The following CDH9 variants were observed in gnomAD, a reference collection of about 807,000 sequenced individuals.
CDH9 encodes the protein cadherin 9, also known as cadherin-9.
A neutral mutation model predicts 70.9 loss-of-function variants in CDH9; 28 were observed. That is an observed-to-expected ratio of 0.40 (90% CI 0.29 to 0.54). CDH9 has a LOEUF of 0.54. Among genes scored for constraint, CDH9 ranks in the 20% least tolerant of loss-of-function variants. The probability of loss-of-function intolerance (pLI) is 0.59; values close to 1 mark genes in which losing one functional copy is unlikely to be tolerated. For missense variants in CDH9, 874 were observed against 984.4 expected (o/e 0.89, Z 1.50); for synonymous variants, 409 against 343.1 (o/e 1.19, Z -2.12).
intron 2 of CDH9, among the ~76,000 whole-genome samples, chr5:26,931,735 C>G (rs549031843): frequency 6.6e-6 from 1 of 151,844 alleles, no homozygotes; most frequent in Non-Finnish European, 1.5e-5. Flanking sequence ...TATATGTATA[C>G]GAAGTGTGTG....
chr5:26,894,309 G>A (rs996794963), intron 7 of CDH9, among the ~76,000 whole-genome samples: 2 of 152,096 alleles, frequency 1.3e-5, no homozygotes, highest in Non-Finnish European at 1.5e-5. Context: ...TAGAGATTTT[G>A]ATGGTATTTC....
At chr5:26,916,557 C>T (rs1741153018) in intron 2 of CDH9, among the ~76,000 whole-genome samples, 1 of 151,908 alleles carries the variant, frequency 6.6e-6, no homozygotes, top group African/African-American at 2.4e-5. Flanking sequence ...GCAACAATAA[C>T]TAATGATAAA....
At chr5:26,935,161 T>C (rs1433525498) in intron 2 of CDH9, among the ~76,000 whole-genome samples, 1 of 152,114 alleles carries the variant, frequency 6.6e-6, no homozygotes, top group Non-Finnish European at 1.5e-5. Context: ...TTAGAAAAAG[T>C]ACTTAACAGT....
chr5:26,988,594 T>G (rs2112092222), intron 1 of CDH9, among the ~76,000 whole-genome samples: 2 of 152,084 alleles, frequency 1.3e-5, no homozygotes, highest in Middle Eastern at 6.8e-3. Context: ...TAAACAGGAA[T>G]TTAGCAGCTA....
chr5:26,954,384 C>CTTTTTTTTTTTTTTTTTTT (rs141394776), intron 2 of CDH9, among the ~76,000 whole-genome samples: 7 of 18,342 alleles, frequency 3.8e-4, no homozygotes, highest in African/African-American at 9.1e-4. Context: ...ATTATACAGC[C>CTTTTTTTTTTTTTTTTTTT]TTTCTTTTTT....
At chr5:26,929,251 T>C (rs1016921654) in intron 2 of CDH9, among the ~76,000 whole-genome samples, 11 of 152,036 alleles carry the variant, frequency 7.2e-5, no homozygotes, top group African/African-American at 2.7e-4. Flanking sequence ...TTCAACATCA[T>C]TGATCATCAG....
At chr5:26,959,806 T>C (rs368740136) in intron 2 of CDH9, among the ~76,000 whole-genome samples, 52 of 152,118 alleles carry the variant, frequency 3.4e-4, no homozygotes, top group Admixed American at 1.7e-3. Context: ...ATACAAAATA[T>C]CCAGAATAGG....
At chr5:27,032,832 C>A (rs10473824) in intron 1 of CDH9, among the ~76,000 whole-genome samples, 73,900 of 150,948 alleles carry the variant, frequency 0.49, 19,015 homozygotes, top group African/African-American at 0.57. Flanking sequence ...AAATAGTCAA[C>A]TAAATAATTA....
intron 2 of CDH9, among the ~76,000 whole-genome samples, chr5:26,922,039 A>AG (rs1386045806): frequency 1.0e-4 from 14 of 136,922 alleles, no homozygotes; most frequent in Non-Finnish European, 1.4e-4. Flanking sequence ...AAAAAAAAAA[A>AG]AGAGAGAGAG....
intron 3 of CDH9, among the ~76,000 whole-genome samples, chr5:26,914,734 AACATAT>A (rs1741118768): frequency 6.6e-6 from 1 of 152,174 alleles, no homozygotes; most frequent in South Asian, 2.1e-4. Context: ...TTTAGACTGA[AACATAT>A]ATTAGTTATA....
In CDH9 at chr5:26,961,508, A is replaced by G. The variant is rs1489285174; in HGVS notation, c.228+26598T>C. ...CTCTTAAAATTATGGATAGAATTGC[A>G]TAAACTCTTTCTATGTCTCATTGAA... On this transcript the variant is annotated intron_variant, in intron 2 of 11. Transcript: ENST00000231021. 3.3e-5 allele frequency among the ~76,000 whole-genome samples: 5 copies of G among 152,254 alleles called. No homozygotes were observed. The East Asian group carries it at 9.6e-4, about 29-fold the overall frequency.
chr5:26,882,009 A>C (rs1740476083), intron 11 of CDH9, among the ~76,000 whole-genome samples: 1 of 152,102 alleles, frequency 6.6e-6, no homozygotes, highest in Non-Finnish European at 1.5e-5. Flanking sequence ...ACTTTGGCAC[A>C]AGTATCATTT....
chr5:27,027,526 T>A (rs569029350), intron 1 of CDH9, among the ~76,000 whole-genome samples: 130 of 152,122 alleles, frequency 8.5e-4, no homozygotes, highest in African/African-American at 3.1e-3. Flanking sequence ...ACTGCTAATA[T>A]CTTAGTTTTG....
intron 9 of CDH9, among the ~76,000 whole-genome samples, chr5:26,887,008 G>T (rs1168092605): frequency 6.6e-6 from 1 of 152,138 alleles, no homozygotes; most frequent in Non-Finnish European, 1.5e-5. Flanking sequence ...ATTCACAATA[G>T]TTTAAGCTTT....
chr5:26,965,975 A>C (rs1742122397), intron 2 of CDH9, among the ~76,000 whole-genome samples: 1 of 152,196 alleles, frequency 6.6e-6, no homozygotes, highest in Non-Finnish European at 1.5e-5. Flanking sequence ...ATGTTATATT[A>C]TATAGTATTT....
intron 9 of CDH9, among the ~76,000 whole-genome samples, chr5:26,889,291 G>T (rs557173292): frequency 6.6e-6 from 1 of 151,934 alleles, no homozygotes; most frequent in African/African-American, 2.4e-5. Flanking sequence ...ACATTTGAAA[G>T]AATTACTTTG....
At chr5:27,017,933 C>G (rs1273684548) in intron 1 of CDH9, among the ~76,000 whole-genome samples, 1 of 151,432 alleles carries the variant, frequency 6.6e-6, no homozygotes, top group Non-Finnish European at 1.5e-5. Flanking sequence ...TTTATTTTCT[C>G]ATTTATATTA....
chr5:26,932,171 A>T (rs979021317), intron 2 of CDH9, among the ~76,000 whole-genome samples: 1 of 152,148 alleles, frequency 6.6e-6, no homozygotes, highest in East Asian at 1.9e-4. Flanking sequence ...TTGTCAAAAA[A>T]ATCTTAAAAG....
chr5:26,949,975 A>G (rs1040118951), intron 2 of CDH9, among the ~76,000 whole-genome samples: 3 of 152,206 alleles, frequency 2.0e-5, no homozygotes, highest in Non-Finnish European at 4.4e-5. Context: ...TGTGGCTTAG[A>G]GAGCCAAAGG....
Sources: allele counts gnomAD v4.1 joint callset (sites outside exome capture counted in the v4.1 genomes callset), GRCh38; gene constraint gnomAD v4.1.1; transcripts MANE v1.5; gene names NCBI Gene and HGNC (gene_info 2026-07-23, HGNC 2026-07-21).